Variants in AOAH observed in about 807,000 individuals in gnomAD.
AOAH encodes acyloxyacyl hydrolase (neutrophil).
A neutral mutation model predicts 92.2 loss-of-function variants in AOAH; 64 were observed. The observed-to-expected ratio is 0.69, with a 90% CI of 0.57 to 0.86. AOAH has a LOEUF of 0.86. AOAH is among the 40% of genes least tolerant of loss of function. The pLI, the probability that AOAH is intolerant of heterozygous loss-of-function variation, is 0.00. For missense variants in AOAH, 656 were observed against 694.6 expected, an observed-to-expected ratio of 0.94 and a Z score of 0.62; for synonymous variants, 263 against 254.5, an observed-to-expected ratio of 1.03 and a Z score of -0.32.
At chr7:36,682,147 G>C (rs559459771) in intron 2 of AOAH, among the ~76,000 whole-genome samples, 2 of 152,372 alleles carry the variant, frequency 1.3e-5, no homozygotes, top group South Asian at 2.1e-4. Context: ...GAAGGAATTA[G>C]TGGCTAGAGT....
intron 2 of AOAH, among the ~76,000 whole-genome samples, chr7:36,684,125 T>C (rs138118016): frequency 8.5e-5 from 13 of 152,344 alleles, no homozygotes; most frequent in African/African-American, 2.9e-4. Flanking sequence ...ATTTCAAGCC[T>C]CAGGCTTGAT....
chr7:36,660,509 G>T (rs1212993305), intron 3 of AOAH, among the ~76,000 whole-genome samples: 1 of 152,044 alleles, frequency 6.6e-6, no homozygotes. Context: ...TAGAGATAGG[G>T]TTTCACTGTG....
At chr7:36,558,883 A>G (rs917895840) in intron 13 of AOAH, among the ~76,000 whole-genome samples, 3 of 152,170 alleles carry the variant, frequency 2.0e-5, no homozygotes, top group African/African-American at 7.2e-5. Flanking sequence ...TCTGTCACCC[A>G]CTTCCTTGAC....
intron 1 of AOAH, among the ~76,000 whole-genome samples, chr7:36,717,021 A>T (rs574843052): frequency 6.8e-6 from 1 of 147,588 alleles, no homozygotes; most frequent in African/African-American, 2.5e-5. Flanking sequence ...AATAAATAAA[A>T]AAGCATAGTC....
intron 12 of AOAH, among the ~76,000 whole-genome samples, chr7:36,583,638 G>A (rs1183214438): frequency 6.6e-6 from 1 of 152,190 alleles, no homozygotes; most frequent in African/African-American, 2.4e-5. Flanking sequence ...AAAAAGATTA[G>A]CAGGACAGCA....
At chr7:36,706,180 A>G (rs577399989) in intron 1 of AOAH, among the ~76,000 whole-genome samples, 2 of 152,328 alleles carry the variant, frequency 1.3e-5, no homozygotes, top group African/African-American at 2.4e-5. Context: ...TATTTCTTAC[A>G]TAATAAGACT....
At chr7:36,531,160 T>G (rs375875400) in intron 18 of AOAH, among the ~76,000 whole-genome samples, 1 of 152,202 alleles carries the variant, frequency 6.6e-6, no homozygotes, top group South Asian at 2.1e-4. Context: ...TCATACTATG[T>G]AGGCAAAAAC....
At chr7:36,616,348 C>T in intron 11 of AOAH, 32 bp downstream of exon 11, 2 of 1,560,190 alleles carry the variant, frequency 1.3e-6, no homozygotes, top group Admixed American at 1.7e-5. Context: ...AAGGCCAGCA[C>T]ATCTGGAATG....
intron 20 of AOAH, among the ~76,000 whole-genome samples, chr7:36,515,072 C>T (rs1212439619): frequency 6.6e-6 from 1 of 151,618 alleles, no homozygotes; most frequent in Non-Finnish European, 1.5e-5. Flanking sequence ...AGAGACCACA[C>T]ACACATACAC....
chr7:36,554,506 TC>T (rs1470958944), intron 13 of AOAH, among the ~76,000 whole-genome samples: 4 of 152,258 alleles, frequency 2.6e-5, no homozygotes, highest in African/African-American at 9.6e-5. Flanking sequence ...AGTAGTTTTT[TC>T]CAATTCTGTG....
intron 12 of AOAH, among the ~76,000 whole-genome samples, chr7:36,577,244 A>T (rs1788580143): frequency 6.6e-6 from 1 of 152,150 alleles, no homozygotes; most frequent in African/African-American, 2.4e-5. Context: ...ATGAGATGGG[A>T]TCAGAACTAT....
chr7:36,541,271 C>T (rs936713437), intron 15 of AOAH, among the ~76,000 whole-genome samples: 1 of 152,090 alleles, frequency 6.6e-6, no homozygotes, highest in African/African-American at 2.4e-5. Context: ...AGTGCTTGTG[C>T]TCTATAGAGG....
At chr7:36,557,114 A>G (rs1583811941) in intron 13 of AOAH, among the ~76,000 whole-genome samples, 2 of 152,314 alleles carry the variant, frequency 1.3e-5, no homozygotes, top group South Asian at 2.1e-4. Flanking sequence ...ATTTTGCAGC[A>G]GCTGGTACCA....
chr7:36,678,440 C>T (rs770214568), intron 2 of AOAH, among the ~76,000 whole-genome samples: 4 of 152,152 alleles, frequency 2.6e-5, no homozygotes, highest in Non-Finnish European at 5.9e-5. Context: ...GCAGAACTGG[C>T]TTAGCCTAGA....
intron 9 of AOAH, 35 bp from the exon 10 acceptor site, chr7:36,618,380 T>C (rs1397193840): frequency 6.2e-7 from 1 of 1,608,394 alleles, no homozygotes; most frequent in East Asian, 2.2e-5. Flanking sequence ...AGCAGTTTGG[T>C]TTTAAATTTA....
chr7:36,621,103 G>T (rs1289193529), intron 8 of AOAH, among the ~76,000 whole-genome samples: 1 of 152,194 alleles, frequency 6.6e-6, no homozygotes, highest in South Asian at 2.1e-4. Context: ...TTCATGGACC[G>T]CATTGTTGTG....
intron 6 of AOAH, among the ~76,000 whole-genome samples, chr7:36,629,138 C>T (rs139190875): frequency 3.3e-5 from 5 of 152,286 alleles, no homozygotes; most frequent in African/African-American, 7.2e-5. Context: ...TATATGTATA[C>T]GTGCTTTTTA....
intron 12 of AOAH, among the ~76,000 whole-genome samples, chr7:36,587,271 C>CAAAAAAAAAAAAA (rs57475443): frequency 4.2e-4 from 36 of 84,808 alleles, no homozygotes; most frequent in African/African-American, 4.3e-4. Context: ...GACTCCGTCT[C>CAAAAAAAAAAAAA]AAAAAAAAAA....
At position 36,522,094 on chromosome 7, in the gene AOAH, C is replaced by A; in HGVS notation, c.1544G>T (p.Arg515Ile). The A allele has an allele frequency of 6.2e-7, 1 of 1,614,230 alleles. No homozygotes were observed. The highest frequency in any genetic ancestry group is 2.2e-5 in the East Asian group (1 of 44,892). The change falls in exon 20 of 21, where the codon AGA becomes ATA. Residue 515 changes from arginine (R) to isoleucine (I), a missense_variant. Arg to Ile is a moderately conservative substitution (Grantham distance 97). Coordinates refer to ENST00000617537, the MANE Select transcript of AOAH (RefSeq NM_001637.4). ...FHEIIQEWQK[R>I]GGQPWQLIEP... ...GATGAGCTGCCAGGGCTGTCCGCCT[C>A]TCTTCTGCCACTCCTGTATGACTGC... is the stretch of plus-strand genomic sequence containing the variant.
Sources: allele counts gnomAD v4.1 joint callset (sites outside exome capture counted in the v4.1 genomes callset), GRCh38; gene constraint gnomAD v4.1.1; transcripts MANE v1.5; gene names NCBI Gene and HGNC (gene_info 2026-07-23, HGNC 2026-07-21).